ZRANB3: variants seen among roughly 807,000 people sequenced by gnomAD.
ZRANB3 encodes the protein DNA annealing helicase and endonuclease ZRANB3.
ZRANB3 carries 125 observed loss-of-function variants against 133.8 expected under a neutral mutation model. The ratio of observed to expected loss-of-function variants is 0.93; its 90% CI spans 0.81 to 1.08. The LOEUF (loss-of-function observed/expected upper bound fraction) is 1.08, where lower values mean the gene tolerates loss of function less well. Among genes scored for constraint, ZRANB3 ranks in the 50% least tolerant of loss-of-function variants. The pLI, the probability that ZRANB3 is intolerant of heterozygous loss-of-function variation, is 0.00. For missense variants in ZRANB3, 1,229 were observed against 1,275.5 expected, an observed-to-expected ratio of 0.96 and a Z score of 0.56; for synonymous variants, 387 against 432.7, an observed-to-expected ratio of 0.89 and a Z score of 1.31.
chr2:135,470,701 CAG>C (rs1691220273), intron 2 of ZRANB3, among the ~76,000 whole-genome samples: 1 of 151,796 alleles, frequency 6.6e-6, no homozygotes, highest in Non-Finnish European at 1.5e-5. Context: ...CAAATCAAAA[CAG>C]AACAAAAACT....
At chr2:135,389,331 A>G (rs1687119147) in intron 3 of ZRANB3, among the ~76,000 whole-genome samples, 1 of 152,212 alleles carries the variant, frequency 6.6e-6, no homozygotes. Context: ...ATGAACTATG[A>G]ACCCCTATAT....
rs1226307655 is a variant in ZRANB3 at position 135,265,613 on chromosome 2, C to A, written c.1460G>T (p.Trp487Leu). The A allele has an allele frequency of 6.2e-7, 1 of 1,613,598 alleles. No homozygotes were observed. Among genetic ancestry groups the A allele is most frequent in the South Asian group, 1.1e-5 (1 of 90,954 alleles). The change falls in exon 12 of 21, where the codon TGG becomes TTG. Residue 487 changes from tryptophan to leucine, a missense_variant. Transcript: ENST00000264159. ...AGCTTCAGCAAACTGCAGGAAATCCCATTTTTCCTTATCACCTTCCTCAGC... is the reference window on the plus strand; with the variant it reads ...AGCTTCAGCAAACTGCAGGAAATCCAATTTTTCCTTATCACCTTCCTCAGC... ...IQAEEGDKEK[W>L]DFLQFAEAWT...
intron 12 of ZRANB3, among the ~76,000 whole-genome samples, chr2:135,234,434 C>T (rs1326587021): frequency 6.6e-6 from 1 of 152,172 alleles, no homozygotes; most frequent in African/African-American, 2.4e-5. Context: ...CAGCTCTGCA[C>T]CAAGCAGACC....
intron 2 of ZRANB3, among the ~76,000 whole-genome samples, chr2:135,410,270 A>G (rs1688245069): frequency 6.6e-6 from 1 of 152,220 alleles, no homozygotes; most frequent in Non-Finnish European, 1.5e-5. Flanking sequence ...ACAGCATGAT[A>G]TTGGTACAAA....
intron 2 of ZRANB3, among the ~76,000 whole-genome samples, chr2:135,469,686 A>C (rs992706099): frequency 6.6e-6 from 1 of 152,176 alleles, no homozygotes; most frequent in African/African-American, 2.4e-5. Context: ...ATATTCAACC[A>C]AACAATATTT....
chr2:135,208,557 A>G (rs1370549793), intron 18 of ZRANB3, among the ~76,000 whole-genome samples: 1 of 152,238 alleles, frequency 6.6e-6, no homozygotes, highest in Non-Finnish European at 1.5e-5. Context: ...AAAGACTTCT[A>G]ATTATGGAGC....
chr2:135,522,412 CT>C (rs1282956608), intron 1 of ZRANB3, among the ~76,000 whole-genome samples: 1 of 152,200 alleles, frequency 6.6e-6, no homozygotes, highest in African/African-American at 2.4e-5. Context: ...TTTCTAATTC[CT>C]TTGTTTCTGC....
chr2:135,413,558 G>C (rs1688408907), intron 2 of ZRANB3, among the ~76,000 whole-genome samples: 1 of 152,146 alleles, frequency 6.6e-6, no homozygotes, highest in South Asian at 2.1e-4. Context: ...TTTGATCACA[G>C]CTTGGTTTAA....
intron 11 of ZRANB3, among the ~76,000 whole-genome samples, chr2:135,266,021 C>T (rs1390416855): frequency 2.0e-5 from 3 of 151,980 alleles, no homozygotes; most frequent in African/African-American, 7.3e-5. Flanking sequence ...CCAGCCTGCC[C>T]AACATGGTGA....
At chr2:135,340,509 A>G (rs189066598) in intron 6 of ZRANB3, among the ~76,000 whole-genome samples, 1 of 152,266 alleles carries the variant, frequency 6.6e-6, no homozygotes, top group East Asian at 1.9e-4. Flanking sequence ...TACAAGAAAA[A>G]TATTCTTATT....
chr2:135,285,584 CTT>C (rs912090980), intron 8 of ZRANB3, among the ~76,000 whole-genome samples: 21 of 152,346 alleles, frequency 1.4e-4, no homozygotes, highest in African/African-American at 4.8e-4. Context: ...AGGAAACACA[CTT>C]TGTGCATAAG....
chr2:135,270,147 C>T (rs559934989), intron 10 of ZRANB3, among the ~76,000 whole-genome samples: 1 of 151,918 alleles, frequency 6.6e-6, no homozygotes, highest in Non-Finnish European at 1.5e-5. Context: ...AATACAGAGA[C>T]AAATATATTA....
chr2:135,366,656 GA>G (rs199654030), intron 3 of ZRANB3, among the ~76,000 whole-genome samples: 23 of 148,422 alleles, frequency 1.5e-4, no homozygotes, highest in Admixed American at 1.1e-3. Context: ...GGCAATAAAA[GA>G]AAAAAAAAGG....
chr2:135,393,083 G>C (rs1326369495), intron 2 of ZRANB3, among the ~76,000 whole-genome samples: 1 of 151,860 alleles, frequency 6.6e-6, no homozygotes, highest in East Asian at 1.9e-4. Context: ...GTTCAGGTTG[G>C]TCTAGAACTC....
rs77599796 is a variant in ZRANB3, at chr2:135,227,351, G to A, written c.2158+461C>T. Among the ~76,000 whole-genome samples the A allele has an allele frequency of 7.0e-3, 1,067 of 152,280 alleles. 10 individuals are homozygous for A. The highest frequency in any genetic ancestry group is 0.024 in the African/African-American group (1,000 of 41,562). ...ATGATTCATACAGTCTTGACATTAT[G>A]TTCCCTAAAAACATTTTCTTTAAAA... is the stretch of plus-strand genomic sequence containing the variant. On this transcript the variant is annotated intron_variant, in intron 14 of 20. Transcript: ENST00000264159.
At chr2:135,479,156 A>G (rs1691644633) in intron 2 of ZRANB3, among the ~76,000 whole-genome samples, 1 of 151,596 alleles carries the variant, frequency 6.6e-6, no homozygotes, top group Non-Finnish European at 1.5e-5. Flanking sequence ...ATGTAGTGGC[A>G]TTCCAATTTT....
intron 2 of ZRANB3, among the ~76,000 whole-genome samples, chr2:135,398,521 C>CTTTTTTTTTTTTTTTTTT (rs374119156): frequency 8.1e-6 from 1 of 123,910 alleles, no homozygotes; most frequent in African/African-American, 3.4e-5. Context: ...TCTTTTGTCA[C>CTTTTTTTTTTTTTTTTTT]TTTTTTTTTT....
intron 6 of ZRANB3, among the ~76,000 whole-genome samples, chr2:135,324,078 AT>A (rs960225691): frequency 1.1e-4 from 16 of 150,828 alleles, no homozygotes; most frequent in African/African-American, 3.7e-4. Flanking sequence ...CCTCATCTTG[AT>A]TTTTTTTTAT....
chr2:135,319,060 G>A (rs1315810630), intron 6 of ZRANB3, among the ~76,000 whole-genome samples: 2 of 152,220 alleles, frequency 1.3e-5, no homozygotes, highest in Admixed American at 6.5e-5. Context: ...TGTATACAGA[G>A]TTGAGAAGAG....
Sources: allele counts gnomAD v4.1 joint callset (sites outside exome capture counted in the v4.1 genomes callset), GRCh38; gene constraint gnomAD v4.1.1; transcripts MANE v1.5; gene names NCBI Gene and HGNC (gene_info 2026-07-23, HGNC 2026-07-21).